SAV1: variants seen among roughly 807,000 people sequenced by gnomAD.
SAV1 encodes salvador family WW domain containing protein 1.
In SAV1, 23 loss-of-function variants were observed where a neutral mutation model predicts 47.3. The ratio of observed to expected loss-of-function variants is 0.49; its 90% confidence interval spans 0.35 to 0.69. The LOEUF is 0.69. SAV1 is among the 30% of genes least tolerant of loss of function. The probability of loss-of-function intolerance (pLI) is 0.01; values close to 1 mark genes in which losing one functional copy is unlikely to be tolerated. For synonymous variants in SAV1, 155 were observed against 159.2 expected (o/e 0.97, Z 0.20); for missense variants, 448 against 457.4 (o/e 0.98, Z 0.19).
intron 2 of SAV1, among the ~76,000 whole-genome samples, chr14:50,651,011 G>A (rs1441001675): frequency 6.6e-6 from 1 of 150,560 alleles, no homozygotes; most frequent in African/African-American, 2.5e-5. Flanking sequence ...AACAGAGAGA[G>A]ACTCTGTCTC....
intron 1 of SAV1, chr14:50,667,608 A>G (rs2039913661): frequency 4.4e-6 from 2 of 458,488 alleles, no homozygotes; most frequent in East Asian, 8.0e-5. Context: ...AAAACCAACA[A>G]CTCTGCCTGG....
At chr14:50,660,475 T>C (rs941821616) in intron 2 of SAV1, among the ~76,000 whole-genome samples, 8 of 152,224 alleles carry the variant, frequency 5.3e-5, no homozygotes, top group African/African-American at 1.9e-4. Context: ...GTAACATTGT[T>C]TTATAGCATT....
intron 3 of SAV1, 107 bp downstream of exon 3, chr14:50,644,637 C>A (rs2039705489): frequency 1.6e-5 from 17 of 1,094,786 alleles, no homozygotes; most frequent in Non-Finnish European, 2.2e-5. Flanking sequence ...ATAAGGCTTT[C>A]AAATCTCAAG....
intron 2 of SAV1, among the ~76,000 whole-genome samples, chr14:50,661,210 G>A (rs2039857406): frequency 6.6e-6 from 1 of 152,190 alleles, no homozygotes; most frequent in African/African-American, 2.4e-5. Context: ...TTGACGATTA[G>A]TGATGTTGCA....
intron 2 of SAV1, among the ~76,000 whole-genome samples, chr14:50,653,998 G>T (rs575368983): frequency 6.6e-6 from 1 of 152,238 alleles, no homozygotes; most frequent in Admixed American, 6.5e-5. Flanking sequence ...ATGATTATCT[G>T]AGCCTTTAGT....
chr14:50,644,611 A>G (rs2039705278), intron 3 of SAV1, 133 bp downstream of exon 3: 1 of 799,794 alleles, frequency 1.3e-6, no homozygotes, highest in East Asian at 2.7e-5. Context: ...CCAGAGAAAA[A>G]TGTAAATTTT....
chr14:50,663,062 A>G (rs982888413), intron 2 of SAV1: 1 of 152,234 alleles, frequency 6.6e-6, no homozygotes, highest in African/African-American at 2.4e-5. Flanking sequence ...AGTATAGGTC[A>G]AGTCCTCATT....
intron 4 of SAV1, among the ~76,000 whole-genome samples, chr14:50,636,354 G>A (rs2140246332): frequency 6.6e-6 from 1 of 152,248 alleles, no homozygotes; most frequent in Middle Eastern, 3.4e-3. Flanking sequence ...AACAGAAGGA[G>A]AAATGAAGAG....
At chr14:50,640,069 A>T (rs1682770847) in intron 4 of SAV1, among the ~76,000 whole-genome samples, 1 of 152,148 alleles carries the variant, frequency 6.6e-6, no homozygotes, top group Non-Finnish European at 1.5e-5. Flanking sequence ...CTGCGGCCTC[A>T]AACTCCTGGG....
chr14:50,655,124 A>G (rs551198849), intron 2 of SAV1, among the ~76,000 whole-genome samples: 2 of 152,332 alleles, frequency 1.3e-5, no homozygotes, highest in South Asian at 4.1e-4. Context: ...TCAGTACTTA[A>G]AGAGAAAATA....
chr14:50,661,049 GCCTGT>G (rs1831545528), intron 2 of SAV1, among the ~76,000 whole-genome samples: 1 of 152,156 alleles, frequency 6.6e-6, no homozygotes, highest in African/African-American at 2.4e-5. Context: ...TTTTCATAGT[GCCTGT>G]CCTAATTATT....
chr14:50,654,922 GGATGCAAGAACAAAAACA>G (rs1382406225), intron 2 of SAV1, among the ~76,000 whole-genome samples: 1 of 152,124 alleles, frequency 6.6e-6, no homozygotes, highest in Admixed American at 6.6e-5. Flanking sequence ...CTGGCAAAAA[GGATGCAAGAACAAAAACA>G]GATGCAAGAA....
chr14:50,648,355 T>G (rs2039739415), intron 2 of SAV1, among the ~76,000 whole-genome samples: 2 of 152,212 alleles, frequency 1.3e-5, no homozygotes, highest in African/African-American at 4.8e-5. Context: ...TGTTCTGTAT[T>G]CTCATTACAC....
chr14:50,658,673 G>A (rs2039832943), intron 2 of SAV1, among the ~76,000 whole-genome samples: 1 of 152,140 alleles, frequency 6.6e-6, no homozygotes, highest in South Asian at 2.1e-4. Flanking sequence ...TTATGCTTAT[G>A]ACAATCAAAA....
At chr14:50,653,090 ACTC>A (rs2039783093) in intron 2 of SAV1, among the ~76,000 whole-genome samples, 1 of 152,194 alleles carries the variant, frequency 6.6e-6, no homozygotes, top group South Asian at 2.1e-4. Flanking sequence ...AACATTCTGT[ACTC>A]CTCAAAACTG....
chr14:50,641,391 TA>T (rs33964457), intron 3 of SAV1, among the ~76,000 whole-genome samples: 77,504 of 148,188 alleles, frequency 0.52, 20,198 homozygotes, highest in East Asian at 0.73. Flanking sequence ...TCACAGAGAT[TA>T]AAAAAAAAAA....
chr14:50,637,227 G>A (rs956339273), intron 4 of SAV1, among the ~76,000 whole-genome samples: 1 of 152,154 alleles, frequency 6.6e-6, no homozygotes, highest in African/African-American at 2.4e-5. Flanking sequence ...TTCTTTGGTA[G>A]GAAGCTCTGT....
At chr14:50,642,660 G>A (rs1044668775) in intron 3 of SAV1, among the ~76,000 whole-genome samples, 1 of 152,128 alleles carries the variant, frequency 6.6e-6, no homozygotes, top group Non-Finnish European at 1.5e-5. Flanking sequence ...AAAATGTGGT[G>A]TATATATAAC....
At chr14:50,638,477 C>A (rs1183489337) in intron 4 of SAV1, among the ~76,000 whole-genome samples, 1 of 152,160 alleles carries the variant, frequency 6.6e-6, no homozygotes, top group African/African-American at 2.4e-5. Context: ...AACCTGTCCA[C>A]ACTGCATGCT....
Sources: gnomAD v4.1 joint callset for allele counts (sites outside exome capture counted in the v4.1 genomes callset) on GRCh38, gnomAD v4.1.1 for gene constraint, MANE v1.5 for transcripts, NCBI Gene and HGNC (gene_info 2026-07-23, HGNC 2026-07-21) for gene names.